Variants in CNTN5 observed in about 807,000 individuals in gnomAD.
The protein encoded by CNTN5 is contactin 5, also known as contactin-5.
In CNTN5, 77 loss-of-function variants were observed where a neutral mutation model predicts 129.1. That is an observed-to-expected ratio of 0.60 (90% CI 0.50 to 0.72). The LOEUF (loss-of-function observed/expected upper bound fraction) is 0.72. Among genes scored for constraint, CNTN5 ranks in the 30% least tolerant of loss-of-function variants. CNTN5 has a pLI of 0.00. For missense variants in CNTN5, 1,478 were observed against 1,328.8 expected, an observed-to-expected ratio of 1.11 and a Z score of -1.75; for synonymous variants, 509 against 465.6, an observed-to-expected ratio of 1.09 and a Z score of -1.20.
chr11:99,339,941 T>C (rs773103274), intron 2 of CNTN5, among the ~76,000 whole-genome samples: 36 of 152,110 alleles, frequency 2.4e-4, no homozygotes, highest in Admixed American at 6.5e-4. Flanking sequence ...TGTGAGATAT[T>C]GTGTGGACTT....
chr11:99,981,497 A>T (rs1388505027), intron 8 of CNTN5, among the ~76,000 whole-genome samples: 1 of 152,074 alleles, frequency 6.6e-6, no homozygotes, highest in African/African-American at 2.4e-5. Flanking sequence ...GATCTTTCCC[A>T]CCTAGTCCAC....
In CNTN5 at chr11:99,725,594, A is replaced by G. The variant is rs1355016178; in HGVS notation, c.56-93950A>G. Among the ~76,000 whole-genome samples, 3 of 152,344 alleles carry G rather than the reference A, an allele frequency of 2.0e-5. No homozygotes were observed. In the East Asian group the frequency reaches 5.8e-4, roughly 29 times the overall value. On this transcript the variant is annotated intron_variant, in intron 3 of 24. Coordinates refer to ENST00000524871, the MANE Select transcript of CNTN5 (RefSeq NM_014361.4). The stretch of plus-strand genomic sequence containing the variant: ...CTTAATTCCTTGGAAGAATGAAGAA[A>G]GGAATATGTGTGTTAAAAACTAAAT...
At chr11:99,565,118 A>G (rs1348101190) in intron 3 of CNTN5, among the ~76,000 whole-genome samples, 1 of 152,164 alleles carries the variant, frequency 6.6e-6, no homozygotes, top group Non-Finnish European at 1.5e-5. Flanking sequence ...AAGAACAATA[A>G]CCCAAAATAT....
chr11:99,022,276 ACAAATAGT>A lies in CNTN5; in HGVS notation c.-210+1012_-210+1019del, dbSNP rs1384272807. 3.9e-5 allele frequency among the ~76,000 whole-genome samples: 6 copies of A among 152,312 alleles called. No homozygotes were observed. In the East Asian group the frequency reaches 1.2e-3, roughly 29 times the overall value. On this transcript the variant is annotated intron_variant, in intron 1 of 24. Transcript: ENST00000524871. ...AGAATACTAGCATTTAAAATTATAG[ACAAATAGT>A]CAAATTTAAAAATTAATGCAGATAT...
At chr11:100,019,240 C>T (rs1183418026) in intron 9 of CNTN5, among the ~76,000 whole-genome samples, 1 of 151,836 alleles carries the variant, frequency 6.6e-6, no homozygotes, top group Non-Finnish European at 1.5e-5. Flanking sequence ...AAAAGGTTTT[C>T]TCCTACATTT....
chr11:99,624,872 G>C (rs1287102737), intron 3 of CNTN5, among the ~76,000 whole-genome samples: 1 of 152,102 alleles, frequency 6.6e-6, no homozygotes, highest in Non-Finnish European at 1.5e-5. Context: ...AGATGGTTTA[G>C]GAACCCATCA....
chr11:99,317,764 A>T (rs1865401780), intron 1 of CNTN5, among the ~76,000 whole-genome samples: 1 of 152,274 alleles, frequency 6.6e-6, no homozygotes, highest in South Asian at 2.1e-4. Context: ...AGCAAAACAT[A>T]ATAAATTTTC....
At chr11:99,927,215 C>T (rs1305525966) in intron 7 of CNTN5, among the ~76,000 whole-genome samples, 1 of 152,124 alleles carries the variant, frequency 6.6e-6, no homozygotes, top group Non-Finnish European at 1.5e-5. Context: ...CCTATTCTAT[C>T]TTTATCCCTG....
chr11:99,641,146 T>C (rs1250325739), intron 3 of CNTN5, among the ~76,000 whole-genome samples: 1 of 152,164 alleles, frequency 6.6e-6, no homozygotes, highest in African/African-American at 2.4e-5. Context: ...GATCGGATAA[T>C]CTTTTTCCAA....
At chr11:99,392,258 A>G (rs1366401538) in intron 2 of CNTN5, among the ~76,000 whole-genome samples, 1 of 151,790 alleles carries the variant, frequency 6.6e-6, no homozygotes, top group Non-Finnish European at 1.5e-5. Flanking sequence ...TATAATAGTT[A>G]TTATACTTAC....
chr11:100,028,804 G>A (rs1941557030), intron 9 of CNTN5, among the ~76,000 whole-genome samples: 1 of 152,144 alleles, frequency 6.6e-6, no homozygotes, highest in African/African-American at 2.4e-5. Context: ...TGAAATATTG[G>A]GAATAATTTG....
intron 1 of CNTN5, among the ~76,000 whole-genome samples, chr11:99,264,817 C>G (rs1000044076): frequency 2.6e-5 from 4 of 151,906 alleles, no homozygotes; most frequent in Non-Finnish European, 5.9e-5. Context: ...CTAAAATTTA[C>G]CATTTTTCCA....
chr11:99,762,406 GTT>G (rs1944612415), intron 3 of CNTN5, among the ~76,000 whole-genome samples: 3 of 151,950 alleles, frequency 2.0e-5, no homozygotes, highest in African/African-American at 7.2e-5. Context: ...TAGGTCTAAC[GTT>G]TAAGTCTTTA....
intron 7 of CNTN5, among the ~76,000 whole-genome samples, chr11:99,944,546 T>G (rs1033236321): frequency 7.9e-5 from 12 of 152,022 alleles, no homozygotes; most frequent in African/African-American, 2.2e-4. Flanking sequence ...TAAAGAGTAT[T>G]CAAATAGGAA....
intron 6 of CNTN5, among the ~76,000 whole-genome samples, chr11:99,876,087 C>T (rs1565629374): frequency 6.6e-6 from 1 of 152,098 alleles, no homozygotes; most frequent in Non-Finnish European, 1.5e-5. Context: ...AATAAGCTTT[C>T]TCATTTTTTT....
rs374967089 is a variant in CNTN5 at position 100,070,518 on chromosome 11, C to A, written c.1257C>A (p.Pro419=). ...WECKATGKPR[P]TYRWLKNGVP... ...GTAAGGCTACTGGAAAACCCAGACCCACGTATCGTTGGCTGAAGAATGGAG... is the reference window on the plus strand; with the variant it reads ...GTAAGGCTACTGGAAAACCCAGACCAACGTATCGTTGGCTGAAGAATGGAG... The change falls in exon 11 of 25, where the codon CCC becomes CCA. Residue 419 remains proline (P), a synonymous_variant. Coordinates refer to ENST00000524871, the MANE Select transcript of CNTN5 (RefSeq NM_014361.4). The A allele has an allele frequency of 1.6e-5, 26 of 1,612,986 alleles. No individual in the cohort carries two copies. In the African/African-American group the frequency reaches 3.3e-4, roughly 21 times the overall value.
intron 8 of CNTN5, among the ~76,000 whole-genome samples, chr11:99,990,045 G>A (rs1187396372): frequency 3.3e-5 from 5 of 152,150 alleles, no homozygotes; most frequent in East Asian, 3.9e-4. Context: ...GGTTACAGGC[G>A]TGAGCCACTG....
rs1955274643 is a variant in CNTN5 at position 99,717,175 on chromosome 11, T to C, written c.56-102369T>C. ...TTTTCTGTCCTTTTGTAATAATGCT[T>C]GCAAACCTGTAGTATTTGTAGTTTC... On this transcript the variant is annotated intron_variant, in intron 3 of 24. Coordinates refer to ENST00000524871, the MANE Select transcript of CNTN5 (RefSeq NM_014361.4). 2.0e-5 allele frequency among the ~76,000 whole-genome samples: 3 copies of C among 152,114 alleles called. No individual in the cohort carries two copies. The South Asian group carries it at 6.2e-4, about 31-fold the overall frequency.
intron 3 of CNTN5, among the ~76,000 whole-genome samples, chr11:99,735,647 C>A (rs986051702): frequency 6.6e-6 from 1 of 152,110 alleles, no homozygotes; most frequent in African/African-American, 2.4e-5. Flanking sequence ...TAGCTTCTTC[C>A]TTCCTCTCAT....
Sources: gnomAD v4.1 joint callset for allele counts (sites outside exome capture counted in the v4.1 genomes callset) on GRCh38, gnomAD v4.1.1 for gene constraint, MANE v1.5 for transcripts, NCBI Gene and HGNC (gene_info 2026-07-23, HGNC 2026-07-21) for gene names.